NETO2: variants seen among roughly 807,000 people sequenced by gnomAD.
The protein encoded by NETO2 is neuropilin and tolloid like 2.
NETO2 carries 28 observed loss-of-function variants against 62.5 expected under a neutral mutation model. The ratio of observed to expected loss-of-function variants is 0.45; its 90% confidence interval spans 0.33 to 0.61. The LOEUF is 0.61. NETO2 is among the 20% of genes least tolerant of loss of function. The pLI is 0.02. For synonymous variants in NETO2, 214 were observed against 219.1 expected (o/e 0.98, Z 0.21); for missense variants, 548 against 643.2 (o/e 0.85, Z 1.60).
chr16:47,124,682 A>T (rs6598796), intron 4 of NETO2, among the ~76,000 whole-genome samples: 2,375 of 152,326 alleles, frequency 0.016, 65 homozygotes, highest in African/African-American at 0.054. Context: ...TAAAGGCAAC[A>T]TGATAGAGTA....
At position 47,143,855 on chromosome 16, in the gene NETO2, A is replaced by G. The variant is rs889778991; in HGVS notation, c.-243T>C. On this transcript the variant is annotated 5_prime_UTR_variant, in exon 1 of 9. The change abolishes an upstream ATG in the 5' untranslated region. Transcript: ENST00000562435. ...CTCCTGCTCCGCGGCGCCCCGTCCC[A>G]TCGACCGCCCGAGGGCCGAGGAGTG... is the stretch of plus-strand genomic sequence containing the variant. 6 of 330,022 alleles carry G rather than the reference A, an allele frequency of 1.8e-5. No homozygotes were observed. The highest frequency in any genetic ancestry group is 1.4e-4 in the South Asian group (1 of 7,150). 20.4% of individuals were successfully genotyped at this position (330,022 alleles called of 1,614,324 possible).
chr16:47,129,421 CT>C, intron 2 of NETO2, 57 bp from the exon 3 acceptor site: 1 of 1,564,068 alleles, frequency 6.4e-7, no homozygotes, highest in Non-Finnish European at 8.8e-7. Flanking sequence ...TCATTCTTCT[CT>C]TTCCCCCACC....
chr16:47,134,382 C>A (rs1468251364), intron 1 of NETO2, among the ~76,000 whole-genome samples: 1 of 151,988 alleles, frequency 6.6e-6, no homozygotes, highest in Non-Finnish European at 1.5e-5. Context: ...ATGCTGAGAT[C>A]TTGAACTCTT....
intron 1 of NETO2, among the ~76,000 whole-genome samples, chr16:47,142,244 TAAAG>T (rs1401881722): frequency 6.6e-6 from 1 of 152,188 alleles, no homozygotes; most frequent in Non-Finnish European, 1.5e-5. Context: ...TCAATTGTAA[TAAAG>T]AAATCACTAC....
rs149268449 is a variant in NETO2 at position 47,110,558 on chromosome 16, C to T, written c.655-847G>A. 6.5e-4 allele frequency among the ~76,000 whole-genome samples: 99 copies of T among 152,264 alleles called. No homozygotes were observed. The East Asian group carries it at 0.012, about 19-fold the overall frequency. ...CCAGGTTGGTCTGACTCTAAATGTG[C>T]GTCCTTCTCATTCCATGAAGCGCTT... On this transcript the variant is annotated intron_variant, in intron 6 of 8. Transcript: ENST00000562435.
At chr16:47,118,189 G>A (rs1264051137) in intron 6 of NETO2, among the ~76,000 whole-genome samples, 1 of 151,720 alleles carries the variant, frequency 6.6e-6, no homozygotes, top group Admixed American at 6.6e-5. Context: ...TGCAAATTCT[G>A]TCTCTCTTTG....
intron 7 of NETO2, among the ~76,000 whole-genome samples, chr16:47,108,538 C>T (rs1011892790): frequency 2.0e-5 from 3 of 152,130 alleles, no homozygotes; most frequent in Non-Finnish European, 4.4e-5. Context: ...TACACAGCCT[C>T]AATGGAATCC....
intron 7 of NETO2, among the ~76,000 whole-genome samples, chr16:47,094,685 C>G: frequency 6.6e-6 from 1 of 150,692 alleles, no homozygotes; most frequent in East Asian, 2.0e-4. Context: ...CTTGGCCTCC[C>G]AAAGTGCTGG....
intron 6 of NETO2, among the ~76,000 whole-genome samples, chr16:47,116,261 T>A (rs1036312004): frequency 6.6e-6 from 1 of 151,990 alleles, no homozygotes; most frequent in Non-Finnish European, 1.5e-5. Flanking sequence ...GCTGGAACTA[T>A]GGATGCATGC....
At position 47,128,444 on chromosome 16, in the gene NETO2, T is replaced by A; in HGVS notation, c.362A>T (p.Tyr121Phe). ...TAATGGAGGGCTTTTCACGCCACAG[T>A]AACGATCTATAAGAGGAGAGAAACC... is the stretch of plus-strand genomic sequence containing the variant. ...PFGFSPLIDR[Y>F]CGVKSPPLIR... Residue 121 changes from tyrosine to phenylalanine, a missense_variant, in exon 4 of 9, where the codon TAC (tyrosine) becomes TTC (phenylalanine). Tyr to Phe is a conservative substitution (Grantham distance 22). Transcript: ENST00000562435. 1.2e-6 allele frequency: 2 copies of A among 1,614,104 alleles called. No individual in the cohort carries two copies. The highest frequency in any genetic ancestry group is 1.7e-6 in the Non-Finnish European group (2 of 1,179,992).
intron 2 of NETO2, 52 bp from the exon 3 acceptor site, chr16:47,129,416 C>G (rs771999409): frequency 1.3e-6 from 2 of 1,559,764 alleles, no homozygotes; most frequent in African/African-American, 2.7e-5. Context: ...GAGAATCATT[C>G]TTCTCTTTCC....
chr16:47,097,427 C>G (rs1227859901), intron 7 of NETO2, among the ~76,000 whole-genome samples: 2 of 152,228 alleles, frequency 1.3e-5, no homozygotes, highest in Admixed American at 6.5e-5. Context: ...CTGGGCAGAG[C>G]CCACCGCAGC....
At chr16:47,100,790 C>T (rs1963524510) in intron 7 of NETO2, among the ~76,000 whole-genome samples, 1 of 152,118 alleles carries the variant, frequency 6.6e-6, no homozygotes, top group Non-Finnish European at 1.5e-5. Flanking sequence ...ATAACAAGTT[C>T]TGAAATTGAG....
At chr16:47,100,185 CTG>C (rs1469934406) in intron 7 of NETO2, among the ~76,000 whole-genome samples, 4 of 152,134 alleles carry the variant, frequency 2.6e-5, no homozygotes, top group Non-Finnish European at 5.9e-5. Flanking sequence ...TACATGGAAA[CTG>C]AACAACCTGC....
intron 8 of NETO2, among the ~76,000 whole-genome samples, chr16:47,085,008 T>C (rs1963154648): frequency 6.6e-6 from 1 of 152,096 alleles, no homozygotes; most frequent in Non-Finnish European, 1.5e-5. Context: ...ACGAAACCAG[T>C]CCTTGGTACC....
chr16:47,129,207 AG>A lies in NETO2; in HGVS notation c.232+16del. On this transcript the variant is annotated intron_variant, in intron 3 of 8. Coordinates refer to ENST00000562435, the MANE Select transcript of NETO2 (RefSeq NM_018092.5). Reference sequence around the variant, plus strand: ...ATAAAGTAAAAATTCATCCAATAAAAGAAATCGTTCAAATACCTTCCAAAAT... The same window carrying A: ...ATAAAGTAAAAATTCATCCAATAAAAAAATCGTTCAAATACCTTCCAAAAT... 5 of 1,610,700 alleles carry A rather than the reference AG, an allele frequency of 3.1e-6. No individual in the cohort carries two copies. Among genetic ancestry groups the A allele is most frequent in the Non-Finnish European group, 4.2e-6 (5 of 1,177,322 alleles).
chr16:47,143,591 A>C lies in NETO2; in HGVS notation c.22T>G (p.Ser8Ala). The change falls in exon 1 of 9, where the codon TCG becomes GCG. Residue 8 changes from serine to alanine, a missense_variant. Physicochemically the swap from Ser to Ala is moderately conservative, Grantham distance 99 (BLOSUM62 1). Coordinates refer to ENST00000562435, the MANE Select transcript of NETO2 (RefSeq NM_018092.5). MALERLC[S>A]VLKVLLITVL... ...CCCCGGTCCTTACCTTTGAGGACCG[A>C]GCAGAGCCGCTCCAGGGCCATGTTC... 8.2e-7 allele frequency: 1 copy of C among 1,222,962 alleles called. No homozygotes were observed. Among genetic ancestry groups the C allele is most frequent in the Admixed American group, 4.3e-5 (1 of 23,130 alleles). 75.8% of individuals were successfully genotyped at this position (1,222,962 alleles called of 1,614,324 possible).
chr16:47,101,947 G>A (rs546261557), intron 7 of NETO2, among the ~76,000 whole-genome samples: 8 of 152,216 alleles, frequency 5.3e-5, no homozygotes, highest in Middle Eastern at 3.4e-3. Flanking sequence ...AAATTTCGTA[G>A]GAACCAAAAA....
intron 7 of NETO2, among the ~76,000 whole-genome samples, chr16:47,097,625 C>T (rs1406986699): frequency 3.3e-5 from 5 of 152,142 alleles, no homozygotes; most frequent in South Asian, 4.1e-4. Flanking sequence ...TCCTGCCTGC[C>T]GGCTCTGAAG....
Sources: allele counts gnomAD v4.1 joint callset (sites outside exome capture counted in the v4.1 genomes callset), GRCh38; gene constraint gnomAD v4.1.1; transcripts MANE v1.5; gene names NCBI Gene and HGNC (gene_info 2026-07-23, HGNC 2026-07-21).